Variants in NFIX observed in about 807,000 individuals in gnomAD.
The protein encoded by NFIX is nuclear factor I X.
A neutral mutation model predicts 53.3 loss-of-function variants in NFIX; 2 were observed. That is an observed-to-expected ratio of 0.04 (90% confidence interval 0.02 to 0.12). The LOEUF (loss-of-function observed/expected upper bound fraction) is 0.12, where lower values mean the gene tolerates loss of function less well. Among genes scored for constraint, NFIX ranks in the 10% least tolerant of loss-of-function variants. The pLI is 1.00. For synonymous variants in NFIX, 244 were observed against 289.0 expected (o/e 0.84, Z 1.58); for missense variants, 310 against 674.5 (o/e 0.46, Z 5.99).
intron 2 of NFIX, among the ~76,000 whole-genome samples, chr19:13,050,282 T>C (rs1288956714): frequency 6.6e-6 from 1 of 152,242 alleles, no homozygotes; most frequent in African/African-American, 2.4e-5. Context: ...TATTCCTGCC[T>C]TTGGGCCTCT....
chr19:13,041,069 G>A (rs924734183), intron 2 of NFIX, among the ~76,000 whole-genome samples: 1 of 152,178 alleles, frequency 6.6e-6, no homozygotes, highest in African/African-American at 2.4e-5. Flanking sequence ...CCCGGTCTTG[G>A]TAGTGTCACA....
At position 13,040,716 on chromosome 19, in the gene NFIX, T is replaced by C. The variant is rs1279344439; in HGVS notation, c.559+15164T>C. 1.3e-5 allele frequency among the ~76,000 whole-genome samples: 2 copies of C among 152,110 alleles called. No individual in the cohort carries two copies. The highest frequency in any genetic ancestry group is 2.4e-5 in the African/African-American group (1 of 41,396). ...GGTAGCTGGGTTTGGTTATTAACAA[T>C]GAATTATTAAAGGAATGTGAATAGG... On this transcript the variant is annotated intron_variant, in intron 2 of 10. Coordinates refer to ENST00000592199, the MANE Select transcript of NFIX (RefSeq NM_001365902.3). The surrounding 1 kb of genome is among the most constrained non-coding windows in gnomAD (Gnocchi z 4.2).
intron 1 of NFIX, among the ~76,000 whole-genome samples, chr19:13,023,630 CTTT>C (rs201731717): frequency 2.3e-5 from 3 of 128,666 alleles, no homozygotes; most frequent in Admixed American, 7.8e-5. Flanking sequence ...GCATTTTTTT[CTTT>C]TTTTTTTTTT....
At chr19:13,018,517 A>C (rs1285454435) in intron 1 of NFIX, among the ~76,000 whole-genome samples, 1 of 152,196 alleles carries the variant, frequency 6.6e-6, no homozygotes, top group Non-Finnish European at 1.5e-5. Flanking sequence ...AAGTCAGCCA[A>C]AAACCCGCTT....
In NFIX at chr19:12,996,140, T is replaced by A. The variant is rs982868275; in HGVS notation, c.27+276T>A. On this transcript the variant is annotated intron_variant, in intron 1 of 10. Transcript: ENST00000592199. The surrounding 1 kb of genome is among the most constrained non-coding windows in gnomAD (Gnocchi z 5.2). Reference sequence around the variant, plus strand: ...CGTGGAGCGCAGGCGGGAGTGCGTGTACGTGTGTGTGTGTGTGTGTGTGTG... The same window carrying A: ...CGTGGAGCGCAGGCGGGAGTGCGTGAACGTGTGTGTGTGTGTGTGTGTGTG... 2.6e-4 allele frequency among the ~76,000 whole-genome samples: 32 copies of A among 120,980 alleles called. No homozygotes were observed. Among genetic ancestry groups the A allele is most frequent in the African/African-American group, 1.1e-3 (32 of 29,472 alleles). 79.4% of individuals were successfully genotyped at this position (120,980 alleles called of 152,430 possible).
intron 1 of NFIX, among the ~76,000 whole-genome samples, chr19:13,008,405 C>T (rs1007253853): frequency 6.6e-6 from 1 of 152,182 alleles, no homozygotes; most frequent in Admixed American, 6.5e-5. Flanking sequence ...GCAGGCATTT[C>T]TGCCAGTCCT....
At position 13,093,761 on chromosome 19, in the gene NFIX, A is replaced by G. The variant is rs1386764555; in HGVS notation, c.1495-874A>G. ...TTTCAGGGACCCTCATTTTGCCCCA[A>G]CGGTACTACCAGGTGCACCCAGGCC... On this transcript the variant is annotated intron_variant, in intron 10 of 10. Transcript: ENST00000592199. This position sits in a 1 kb window ranked among gnomAD's most constrained non-coding sequence, Gnocchi z 4.7. Among the ~76,000 whole-genome samples, 3 of 152,078 alleles carry G rather than the reference A, an allele frequency of 2.0e-5. No homozygotes were observed. Among genetic ancestry groups the G allele is most frequent in the African/African-American group, 4.8e-5 (2 of 41,368 alleles).
intron 1 of NFIX, chr19:13,023,859 A>G (rs2013111695): frequency 1.6e-6 from 1 of 611,276 alleles, no homozygotes; most frequent in Non-Finnish European, 2.9e-6. Context: ...TTGAGAATCC[A>G]CCCAAGCCCG....
Position 13,068,033 on chromosome 19 carries a change from AG to A in NFIX, c.560-5012del, listed in dbSNP as rs1192352498. 6.6e-6 allele frequency among the ~76,000 whole-genome samples: 1 copy of A among 151,748 alleles called. No individual in the cohort carries two copies. The highest frequency in any genetic ancestry group is 1.9e-4 in the East Asian group (1 of 5,170). Reference sequence around the variant, plus strand: ...GGCAGGAGAATGGCGTGAACCCAGGAGGTGGGGCTTGCAGTGAGCCGAGATC... The same window carrying A: ...GGCAGGAGAATGGCGTGAACCCAGGAGTGGGGCTTGCAGTGAGCCGAGATC... On this transcript the variant is annotated intron_variant, in intron 2 of 10. Coordinates refer to ENST00000592199, the MANE Select transcript of NFIX (RefSeq NM_001365902.3). This position sits in a 1 kb window ranked among gnomAD's most constrained non-coding sequence, Gnocchi z 4.2.
chr19:13,076,044 T>C (rs1166721746), intron 6 of NFIX, among the ~76,000 whole-genome samples: 2 of 152,230 alleles, frequency 1.3e-5, no homozygotes, highest in African/African-American at 4.8e-5. Flanking sequence ...CTCATCATTC[T>C]GTGTAGGGGA....
At position 13,043,602 on chromosome 19, in the gene NFIX, G is replaced by C. The variant is rs1218752386; in HGVS notation, c.559+18050G>C. ...ACTTGAAGGGGGACCAGGGGAGGGT[G>C]AGCTGTTGCTGTGGACTGTGGACTT... On this transcript the variant is annotated intron_variant, in intron 2 of 10. Transcript: ENST00000592199. The surrounding 1 kb of genome is among the most constrained non-coding windows in gnomAD (Gnocchi z 4.0). Among the ~76,000 whole-genome samples the C allele has an allele frequency of 6.6e-6, 1 of 152,192 alleles. No individual in the cohort carries two copies. The highest frequency in any genetic ancestry group is 1.5e-5 in the Non-Finnish European group (1 of 68,032).
At chr19:13,018,339 G>GGC (rs2012778436) in intron 1 of NFIX, among the ~76,000 whole-genome samples, 1 of 94,730 alleles carries the variant, frequency 1.1e-5, no homozygotes, top group African/African-American at 3.9e-5. Flanking sequence ...AAGGGGCGGG[G>GGC]GGGGGGGGGG....
Position 13,001,116 on chromosome 19 carries a change from G to C in NFIX, c.27+5252G>C, listed in dbSNP as rs564199508. Reference sequence around the variant, plus strand: ...CAGCTGGGGTGGGGAAAAGGAGGGGGGTGTCTTAATTTTCTTGCCCCCAAA... The same window carrying C: ...CAGCTGGGGTGGGGAAAAGGAGGGGCGTGTCTTAATTTTCTTGCCCCCAAA... On this transcript the variant is annotated intron_variant, in intron 1 of 10. Transcript: ENST00000592199. The surrounding 1 kb of genome is among the most constrained non-coding windows in gnomAD (Gnocchi z 6.5). Among the ~76,000 whole-genome samples the C allele has an allele frequency of 2.0e-5, 3 of 152,278 alleles. No individual in the cohort carries two copies. Among genetic ancestry groups the C allele is most frequent in the East Asian group, 3.9e-4 (2 of 5,174 alleles).
rs1025598095 is a variant in NFIX at position 13,002,237 on chromosome 19, C to T, written c.27+6373C>T. ...TCCTCCCTCTCTCCTCCCCTCCTCCCCTCCTCCCGCTCCCTCTCTCCCTCT... is the reference window on the plus strand; with the variant it reads ...TCCTCCCTCTCTCCTCCCCTCCTCCTCTCCTCCCGCTCCCTCTCTCCCTCT... On this transcript the variant is annotated intron_variant, in intron 1 of 10. Coordinates refer to ENST00000592199, the MANE Select transcript of NFIX (RefSeq NM_001365902.3). This position sits in a 1 kb window ranked among gnomAD's most constrained non-coding sequence, Gnocchi z 6.1. Among the ~76,000 whole-genome samples, 1 of 151,900 alleles carries T rather than the reference C, an allele frequency of 6.6e-6. No individual in the cohort carries two copies. Among genetic ancestry groups the T allele is most frequent in the Non-Finnish European group, 1.5e-5 (1 of 67,922 alleles).
intron 2 of NFIX, among the ~76,000 whole-genome samples, chr19:13,064,417 G>T (rs2016276956): frequency 6.6e-6 from 1 of 152,220 alleles, no homozygotes; most frequent in Non-Finnish European, 1.5e-5. Context: ...CCAGAGTCTA[G>T]GGGGACAAGC....
chr19:12,995,895 GA>G, intron 1 of NFIX, 31 bp downstream of exon 1: 1 of 973,218 alleles, frequency 1.0e-6, no homozygotes, highest in Non-Finnish European at 1.2e-6. Context: ...GCGACCGGGG[GA>G]GGGGAGCGGG....
At chr19:13,091,514 C>A (rs548282503) in intron 10 of NFIX, among the ~76,000 whole-genome samples, 3 of 152,236 alleles carry the variant, frequency 2.0e-5, no homozygotes, top group African/African-American at 7.2e-5. Context: ...CTTCCCACCC[C>A]CTTTCCCCAG....
rs572272049 is a variant in NFIX at position 13,068,017 on chromosome 19, A to G, written c.560-5030A>G. On this transcript the variant is annotated intron_variant, in intron 2 of 10. Transcript: ENST00000592199. The surrounding 1 kb of genome is among the most constrained non-coding windows in gnomAD (Gnocchi z 4.2). Reference sequence around the variant, plus strand: ...GTACTCGGGAGGCTGAGGCAGGAGAATGGCGTGAACCCAGGAGGTGGGGCT... The same window carrying G: ...GTACTCGGGAGGCTGAGGCAGGAGAGTGGCGTGAACCCAGGAGGTGGGGCT... 1.8e-4 allele frequency among the ~76,000 whole-genome samples: 28 copies of G among 151,968 alleles called. 1 individual carries two copies. In the South Asian group the frequency reaches 5.6e-3, roughly 31 times the overall value.
intron 7 of NFIX, among the ~76,000 whole-genome samples, chr19:13,079,999 C>T (rs1014193521): frequency 3.3e-5 from 5 of 152,194 alleles, no homozygotes; most frequent in African/African-American, 9.7e-5. Flanking sequence ...ATATGTCAGA[C>T]GGCCATCCTG....
Sources: gnomAD v4.1 joint callset for allele counts (sites outside exome capture counted in the v4.1 genomes callset) on GRCh38, gnomAD v4.1.1 for gene constraint, Gnocchi (gnomAD v3.1) non-coding constraint, MANE v1.5 for transcripts, NCBI Gene and HGNC (gene_info 2026-07-23, HGNC 2026-07-21) for gene names.